OVOL2: variants seen among roughly 807,000 people sequenced by gnomAD.
The protein encoded by OVOL2 is transcription factor Ovo-like 2.
A neutral mutation model predicts 18.1 loss-of-function variants in OVOL2; 13 were observed. The ratio of observed to expected loss-of-function variants is 0.72; its 90% confidence interval spans 0.47 to 1.14. The LOEUF is 1.14. OVOL2 is among the 50% of genes most tolerant of loss of function. The pLI is 0.00. For synonymous variants in OVOL2, 166 were observed against 162.7 expected (o/e 1.02, Z -0.16); for missense variants, 335 against 383.0 (o/e 0.87, Z 1.05).
chr20:18,054,821 G>C (rs1379082014), intron 2 of OVOL2, among the ~76,000 whole-genome samples: 1 of 148,560 alleles, frequency 6.7e-6, no homozygotes, highest in Middle Eastern at 3.2e-3. Context: ...CTAATTCTTA[G>C]AGAAATTGTG....
intron 2 of OVOL2, among the ~76,000 whole-genome samples, chr20:18,049,633 G>A (rs1406056169): frequency 6.6e-6 from 1 of 152,030 alleles, no homozygotes; most frequent in Non-Finnish European, 1.5e-5. Context: ...CAAATGCAGA[G>A]AAGATGAAGG....
At chr20:18,025,024 G>C (rs979252213) in intron 3 of OVOL2, 72 bp from the exon 4 acceptor site, 1 of 1,504,666 alleles carries the variant, frequency 6.6e-7, no homozygotes, top group East Asian at 2.3e-5. Context: ...TATGAAGCCA[G>C]TAAAAGTCAT....
intron 3 of OVOL2, among the ~76,000 whole-genome samples, chr20:18,035,760 A>C (rs534622922): frequency 6.6e-6 from 1 of 152,218 alleles, no homozygotes; most frequent in Non-Finnish European, 1.5e-5. Flanking sequence ...AAATAGGTCT[A>C]AAACATTTCC....
At chr20:18,032,471 C>T (rs1205254) in intron 3 of OVOL2, among the ~76,000 whole-genome samples, 41,757 of 151,680 alleles carry the variant, frequency 0.28, 6,928 homozygotes, top group East Asian at 0.44. Context: ...TACAGTCCCT[C>T]GATACTGGAA....
chr20:18,041,638 C>T lies in OVOL2; in HGVS notation c.407G>A (p.Arg136His), dbSNP rs368800012. The T allele has an allele frequency of 8.1e-6, 13 of 1,613,976 alleles. No homozygotes were observed. The highest frequency in any genetic ancestry group is 2.2e-5 in the East Asian group (1 of 44,880). ...CACCTGGTTGTGGCACTTGAGGTGA[C>T]GGTTCAGCATGCGCTGCAGACGGAA... ...KGFRLQRMLN[R>H]HLKCHNQVKR... The change falls in exon 3 of 4, where the codon CGT becomes CAT. Residue 136 changes from arginine (R) to histidine (H), a missense_variant. Transcript: ENST00000278780.
intron 3 of OVOL2, among the ~76,000 whole-genome samples, chr20:18,034,397 C>T (rs2036596533): frequency 6.6e-6 from 1 of 152,196 alleles, no homozygotes; most frequent in Non-Finnish European, 1.5e-5. Flanking sequence ...GGCTGCACTC[C>T]AGCTAACAGC....
chr20:18,030,715 G>A (rs1416735198), intron 3 of OVOL2, among the ~76,000 whole-genome samples: 3 of 152,220 alleles, frequency 2.0e-5, no homozygotes, highest in Non-Finnish European at 2.9e-5. Context: ...TGGAAGAGGA[G>A]TGACTCGCAG....
At chr20:18,044,582 A>G (rs1278807427) in intron 2 of OVOL2, among the ~76,000 whole-genome samples, 1 of 152,154 alleles carries the variant, frequency 6.6e-6, no homozygotes, top group Admixed American at 6.5e-5. Flanking sequence ...TAAGTCCCTG[A>G]TCTGTGACAA....
intron 2 of OVOL2, among the ~76,000 whole-genome samples, chr20:18,044,160 C>A (rs181869377): frequency 1.5e-4 from 23 of 152,148 alleles, no homozygotes; most frequent in Admixed American, 3.9e-4. Flanking sequence ...TGTTAAAATG[C>A]AGGTTCTGAT....
intron 2 of OVOL2, among the ~76,000 whole-genome samples, chr20:18,049,930 T>G (rs2036757654): frequency 1.3e-5 from 2 of 152,320 alleles, no homozygotes; most frequent in Admixed American, 6.5e-5. Context: ...GCTGACATAC[T>G]GGACAGTACA....
chr20:18,048,975 A>G (rs2036748105), intron 2 of OVOL2, among the ~76,000 whole-genome samples: 1 of 152,148 alleles, frequency 6.6e-6, no homozygotes, highest in Non-Finnish European at 1.5e-5. Flanking sequence ...TCCAAAATTA[A>G]CACTTTGCAA....
At chr20:18,048,671 C>T (rs1438014644) in intron 2 of OVOL2, among the ~76,000 whole-genome samples, 2 of 152,194 alleles carry the variant, frequency 1.3e-5, no homozygotes, top group East Asian at 3.8e-4. Context: ...AGCACCACTG[C>T]ATTCCAGCCC....
intron 3 of OVOL2, among the ~76,000 whole-genome samples, chr20:18,031,086 G>A (rs1475887763): frequency 6.6e-6 from 1 of 152,196 alleles, no homozygotes; most frequent in African/African-American, 2.4e-5. Flanking sequence ...TGTGTCTAAA[G>A]CAGGACATGG....
Position 18,027,731 on chromosome 20 carries a change from G to A in OVOL2, c.512-2779C>T, listed in dbSNP as rs970166670. On this transcript the variant is annotated intron_variant, in intron 3 of 3. Transcript: ENST00000278780. ...CGGCCTCAGCCTCCCGAGTAGCTGG[G>A]ACTACAGGCGCTCACCACCACGCCC... Among the ~76,000 whole-genome samples, 8 of 151,760 alleles carry A rather than the reference G, an allele frequency of 5.3e-5. No individual in the cohort carries two copies. The East Asian group carries it at 1.4e-3, about 27-fold the overall frequency.
At chr20:18,053,285 C>T (rs1375135464) in intron 2 of OVOL2, among the ~76,000 whole-genome samples, 3 of 152,224 alleles carry the variant, frequency 2.0e-5, no homozygotes, top group Non-Finnish European at 4.4e-5. Context: ...AAACACTTTA[C>T]ACCCACTATC....
At chr20:18,039,203 T>C (rs913043335) in intron 3 of OVOL2, among the ~76,000 whole-genome samples, 14 of 152,218 alleles carry the variant, frequency 9.2e-5, no homozygotes, top group Non-Finnish European at 1.9e-4. Flanking sequence ...ATTCTGTTTC[T>C]TGGTCTGACT....
At chr20:18,049,260 C>T (rs1326295405) in intron 2 of OVOL2, among the ~76,000 whole-genome samples, 3 of 152,200 alleles carry the variant, frequency 2.0e-5, no homozygotes, top group South Asian at 4.1e-4. Flanking sequence ...GCAGGAACAT[C>T]CAGGGAGTCA....
intron 2 of OVOL2, among the ~76,000 whole-genome samples, chr20:18,049,644 G>C (rs1271950906): frequency 6.6e-6 from 1 of 152,078 alleles, no homozygotes; most frequent in African/African-American, 2.4e-5. Context: ...AAGATGAAGG[G>C]AATATATATC....
At chr20:18,035,164 A>G (rs960251174) in intron 3 of OVOL2, among the ~76,000 whole-genome samples, 1 of 152,250 alleles carries the variant, frequency 6.6e-6, no homozygotes, top group Non-Finnish European at 1.5e-5. Context: ...AGGCAAGACC[A>G]GGCCAGGCGG....
Sources: allele counts gnomAD v4.1 joint callset (sites outside exome capture counted in the v4.1 genomes callset), GRCh38; gene constraint gnomAD v4.1.1; transcripts MANE v1.5; gene names NCBI Gene and HGNC (gene_info 2026-07-23, HGNC 2026-07-21).